TNN: variants seen among roughly 807,000 people sequenced by gnomAD.
The protein encoded by TNN is tenascin N.
TNN carries 122 observed loss-of-function variants against 134.4 expected under a neutral mutation model. That is an observed-to-expected ratio of 0.91 (90% CI 0.78 to 1.06). The LOEUF (loss-of-function observed/expected upper bound fraction) is 1.06. Among genes scored for constraint, TNN ranks in the 50% least tolerant of loss-of-function variants. The probability of loss-of-function intolerance (pLI) is 0.00; values close to 1 mark genes in which losing one functional copy is unlikely to be tolerated. For synonymous variants in TNN, 710 were observed against 670.3 expected (o/e 1.06, Z -0.91); for missense variants, 1,739 against 1,699.4 (o/e 1.02, Z -0.41).
rs929438056 is a variant in TNN at position 175,106,948 on chromosome 1, C to G, written c.2119+8353C>G. Among the ~76,000 whole-genome samples, 4 of 145,980 alleles carry G rather than the reference C, an allele frequency of 2.7e-5. 1 individual carries two copies. Among genetic ancestry groups the G allele is most frequent in the Non-Finnish European group, 6.1e-5 (4 of 65,766 alleles). On this transcript the variant is annotated intron_variant, in intron 9 of 18. Transcript: ENST00000239462. ...TCACTTTTAAATGGCTGACAGATGC[C>G]CGGTATTTAGCCCCCGAATTCTAAA...
intron 10 of TNN, among the ~76,000 whole-genome samples, chr1:175,117,421 C>T (rs559524448): frequency 1.9e-4 from 29 of 152,314 alleles, no homozygotes; most frequent in African/African-American, 6.7e-4. Context: ...GCTATGATTA[C>T]ATGGTCATGT....
chr1:175,118,159 T>C (rs1042468940), intron 10 of TNN, among the ~76,000 whole-genome samples: 2 of 152,008 alleles, frequency 1.3e-5, no homozygotes, highest in African/African-American at 4.8e-5. Flanking sequence ...AAATGGGAGG[T>C]CTTTACTGAC....
chr1:175,121,432 G>T (rs1274885749), intron 11 of TNN, among the ~76,000 whole-genome samples: 1 of 152,204 alleles, frequency 6.6e-6, no homozygotes, highest in Non-Finnish European at 1.5e-5. Flanking sequence ...AGGAGCAGGG[G>T]CAGATCAGCC....
At position 175,083,865 on chromosome 1, in the gene TNN, G is replaced by A. The variant is rs1174496896; in HGVS notation, c.1164G>A (p.Met388Ile). The A allele has an allele frequency of 1.2e-6, 2 of 1,614,220 alleles. No homozygotes were observed. The highest frequency in any genetic ancestry group is 1.7e-6 in the Non-Finnish European group (2 of 1,180,034). Residue 388 changes from methionine (M) to isoleucine (I), a missense_variant, in exon 5 of 19, where the codon ATG becomes ATA. Met to Ile is a conservative substitution (Grantham distance 10). Coordinates refer to ENST00000239462, the MANE Select transcript of TNN (RefSeq NM_022093.2). ...VDYYKLRYGP[M>I]TGQEVAEVTV... ...ACTACAAGCTGCGATATGGCCCCAT[G>A]ACAGGACAGGAGGTAGCTGAGGTCA...
rs1380850267 is a variant in TNN, at chr1:175,084,936, G to A, written c.1235-469G>A. 2.0e-5 allele frequency among the ~76,000 whole-genome samples: 3 copies of A among 152,192 alleles called. 1 individual carries two copies. The highest frequency in any genetic ancestry group is 1.5e-5 in the Non-Finnish European group (1 of 68,034). Reference sequence around the variant, plus strand: ...GAGCCCAGGAGGTTGAGGCTACCATGAGCCGTGATTGCACCACTGCACTCT... The same window carrying A: ...GAGCCCAGGAGGTTGAGGCTACCATAAGCCGTGATTGCACCACTGCACTCT... On this transcript the variant is annotated intron_variant, in intron 5 of 18. Transcript: ENST00000239462.
chr1:175,098,297 C>T (rs1674622953), intron 8 of TNN, 35 bp from the exon 9 acceptor site: 1 of 1,613,746 alleles, frequency 6.2e-7, no homozygotes, highest in African/African-American at 1.3e-5. Context: ...TCCATGGCTT[C>T]AGAGCTTAAA....
chr1:175,118,304 G>T (rs993500621), intron 10 of TNN, among the ~76,000 whole-genome samples: 2 of 152,108 alleles, frequency 1.3e-5, no homozygotes, highest in Non-Finnish European at 2.9e-5. Context: ...ATGAATAAAA[G>T]ATTTGTTTTG....
At position 175,113,344 on chromosome 1, in the gene TNN, C is replaced by CT. The variant is rs560699283; in HGVS notation, c.2120-3588dup. On this transcript the variant is annotated intron_variant, in intron 9 of 18. Transcript: ENST00000239462. ...TGGGTGTGGTATTCTCAGTTGACAG[C>CT]TTTTTTTCCACCCCTTTCAGATCTT... Among the ~76,000 whole-genome samples, 17 of 152,252 alleles carry CT rather than the reference C, an allele frequency of 1.1e-4. No homozygotes were observed. In the South Asian group the frequency reaches 1.5e-3, roughly 13 times the overall value.
chr1:175,123,813 T>C, intron 12 of TNN, 150 bp downstream of exon 12: 1 of 1,199,178 alleles, frequency 8.3e-7, no homozygotes, highest in South Asian at 1.5e-5. Context: ...TTTGAGCTAA[T>C]TAAGTTGACA....
chr1:175,125,831 TTTCTTTTTTCTTTTTCTTTCTTTC>T (rs1675513798), intron 12 of TNN, among the ~76,000 whole-genome samples: 1 of 3,276 alleles, frequency 3.1e-4, no homozygotes, highest in South Asian at 2.7e-3. Flanking sequence ...CCTTTCTTTC[TTTCTTTTTTCTTTTTCTTTCTTTC>T]TTTTTTCTTT....
At chr1:175,127,981 G>A (rs1345225360) in intron 13 of TNN, 51 bp from the exon 14 acceptor site, 2 of 1,610,542 alleles carry the variant, frequency 1.2e-6, no homozygotes, top group Non-Finnish European at 1.7e-6. Flanking sequence ...TAGGGTGCTA[G>A]TGGGTGATAA....
At chr1:175,127,747 A>C (rs1329336502) in intron 13 of TNN, among the ~76,000 whole-genome samples, 1 of 152,164 alleles carries the variant, frequency 6.6e-6, no homozygotes, top group Admixed American at 6.5e-5. Context: ...GTGTATCTGA[A>C]GGCCAAAGTC....
intron 17 of TNN, among the ~76,000 whole-genome samples, chr1:175,137,736 A>G (rs1558375223): frequency 6.6e-6 from 1 of 152,236 alleles, no homozygotes; most frequent in South Asian, 2.1e-4. Flanking sequence ...TTAAACCATA[A>G]CAAGTGTTTT....
intron 6 of TNN, among the ~76,000 whole-genome samples, chr1:175,086,646 A>T (rs1173071125): frequency 6.6e-6 from 1 of 152,172 alleles, no homozygotes. Flanking sequence ...AAGAGGTGAG[A>T]TGTTGTGAGA....
chr1:175,128,533 G>A lies in TNN; in HGVS notation c.3179-62G>A, dbSNP rs74390878. ...AAAATAAATTGCCTTAAAATAGGAAGAAACTCCACCTCTTTCCTCCTTGCC... is the reference window on the plus strand; with the variant it reads ...AAAATAAATTGCCTTAAAATAGGAAAAAACTCCACCTCTTTCCTCCTTGCC... On this transcript the variant is annotated intron_variant, in intron 14 of 18. Coordinates refer to ENST00000239462, the MANE Select transcript of TNN (RefSeq NM_022093.2). The A allele has an allele frequency of 7.9e-4, 1,192 of 1,506,990 alleles. 14 individuals carry two copies. In the East Asian group the frequency reaches 0.023, roughly 29 times the overall value. 93.4% of individuals were successfully genotyped at this position (1,506,990 alleles called of 1,614,324 possible).
intron 7 of TNN, among the ~76,000 whole-genome samples, chr1:175,096,489 T>C (rs1290924284): frequency 6.6e-6 from 1 of 152,174 alleles, no homozygotes; most frequent in Non-Finnish European, 1.5e-5. Context: ...CTGTCCCCCT[T>C]GGCAAGTGGT....
chr1:175,136,746 C>A, intron 16 of TNN, 75 bp from the exon 17 acceptor site: 1 of 1,438,104 alleles, frequency 7.0e-7, no homozygotes, highest in Non-Finnish European at 9.5e-7. Context: ...TTCTGAAAGC[C>A]TCAGACACAC....
rs4651335 is a variant in TNN, at chr1:175,147,116, C to G, written c.*45C>G. ...TCGCAGGAGACACCACCAGCTGTGG[C>G]AGCTTGGGGCGGGGTGGGTAGTGGT... On this transcript the variant is annotated 3_prime_UTR_variant, in exon 19 of 19. Transcript: ENST00000239462. 1,246,122 of 1,463,082 alleles carry G rather than the reference C, an allele frequency of 0.85. 532,141 individuals are homozygous for G. Among genetic ancestry groups the G allele is most frequent in the African/African-American group, 0.97 (69,016 of 70,848 alleles). 90.6% of individuals were successfully genotyped at this position (1,463,082 alleles called of 1,614,324 possible). A position where few individuals can be genotyped will look rare whatever the true frequency, so the allele number is the denominator to read the frequency against.
In TNN at chr1:175,118,672, C is replaced by T; in HGVS notation, c.2498C>T (p.Ser833Phe). The T allele has an allele frequency of 6.2e-7, 1 of 1,614,224 alleles. No homozygotes were observed. The highest frequency in any genetic ancestry group is 1.6e-4 in the Middle Eastern group (1 of 6,062). The change falls in exon 11 of 19, where the codon TCT (serine) becomes TTT (phenylalanine). Residue 833 changes from serine to phenylalanine, a missense_variant. Transcript: ENST00000239462. ...GACAGGTATGTGGTGCACTACACGT[C>T]TGCCAACGGAGAGACCAGGGAGGTT... ...TIDRYVVHYTSANGETREVPV... is the reference protein window; with the variant it reads ...TIDRYVVHYTFANGETREVPV...
Sources: gnomAD v4.1 joint callset for allele counts (sites outside exome capture counted in the v4.1 genomes callset) on GRCh38, gnomAD v4.1.1 for gene constraint, MANE v1.5 for transcripts, NCBI Gene and HGNC (gene_info 2026-07-23, HGNC 2026-07-21) for gene names.